The following UNK variants were observed in gnomAD, a reference collection of about 807,000 sequenced individuals.
The protein encoded by UNK is unk zinc finger.
In UNK, 32 loss-of-function variants were observed where a neutral mutation model predicts 97.6. The observed-to-expected ratio is 0.33, with a 90% CI of 0.25 to 0.44. UNK has a LOEUF of 0.44. Among genes scored for constraint, UNK ranks in the 20% least tolerant of loss-of-function variants. UNK has a pLI of 1.00. For synonymous variants in UNK, 441 were observed against 461.2 expected (o/e 0.96, Z 0.56); for missense variants, 771 against 1,098.4 (o/e 0.70, Z 4.21).
At position 75,798,506 on chromosome 17, in the gene UNK, C is replaced by T. The variant is rs115742367; in HGVS notation, c.105-11254C>T. On this transcript the variant is annotated intron_variant, in intron 1 of 15. Coordinates refer to ENST00000589666, the MANE Select transcript of UNK (RefSeq NM_001080419.3). Reference sequence around the variant, plus strand: ...AGGCATGTGCCACTACACCAAACCACGGTTAATTTTTGTATTTTTAGTAGA... The same window carrying T: ...AGGCATGTGCCACTACACCAAACCATGGTTAATTTTTGTATTTTTAGTAGA... 2.6e-3 allele frequency among the ~76,000 whole-genome samples: 389 copies of T among 152,016 alleles called. 2 individuals are homozygous for T. The highest frequency in any genetic ancestry group is 3.5e-3 in the Admixed American group (53 of 15,264).
At chr17:75,794,654 T>A (rs1232054422) in intron 1 of UNK, among the ~76,000 whole-genome samples, 4 of 144,596 alleles carry the variant, frequency 2.8e-5, no homozygotes, top group Non-Finnish European at 4.5e-5. Context: ...AAAAAAAAAA[T>A]GCTTAGTTAA....
At chr17:75,821,579 C>G in intron 13 of UNK, 1 of 456,268 alleles carries the variant, frequency 2.2e-6, no homozygotes. Context: ...GGACCATGTC[C>G]CTCCTCTGTG....
chr17:75,817,372 G>A lies in UNK; in HGVS notation c.1151G>A (p.Gly384Asp). 6.2e-7 allele frequency: 1 copy of A among 1,609,358 alleles called. No individual in the cohort carries two copies. The highest frequency in any genetic ancestry group is 8.5e-7 in the Non-Finnish European group (1 of 1,177,418). Residue 384 changes from glycine to aspartate, a missense_variant, in exon 9 of 16, where the codon GGC becomes GAC. Gly to Asp is a moderately conservative substitution (Grantham distance 94, BLOSUM62 -1). Transcript: ENST00000589666. This position sits in a 1 kb window ranked among gnomAD's most constrained non-coding sequence, Gnocchi z 5.8. ...CTAGGCAGCCCGTCTAACCTCTGCG[G>A]CTCCCCACCGGGCTCCATCAGGAAG... ...SSLGSPSNLC[G>D]SPPGSIRKPP...
intron 1 of UNK, chr17:75,809,015 G>A (rs2061943592): frequency 6.9e-6 from 1 of 145,202 alleles, no homozygotes; most frequent in Non-Finnish European, 1.5e-5. Context: ...ATGCCCCCAG[G>A]ACATAAATAG....
At chr17:75,785,029 T>C in intron 1 of UNK, 45 bp downstream of exon 1, 2 of 1,156,848 alleles carry the variant, frequency 1.7e-6, no homozygotes, top group Non-Finnish European at 2.2e-6. Flanking sequence ...ACGCCTGACG[T>C]CAGCGGCCAG....
Position 75,818,764 on chromosome 17 carries a change from T to C in UNK, c.1494T>C (p.Asn498=). The change falls in exon 11 of 16, where the codon AAT becomes AAC. Residue 498 remains asparagine, a synonymous_variant. Coordinates refer to ENST00000589666, the MANE Select transcript of UNK (RefSeq NM_001080419.3). The surrounding 1 kb of genome is among the most constrained non-coding windows in gnomAD (Gnocchi z 5.1). Reference sequence around the variant, plus strand: ...GCACCAGCAGCGTCCCCGGCATGAATGCAAACGCTCTGCCCTTCTACCCCA... The same window carrying C: ...GCACCAGCAGCGTCCCCGGCATGAACGCAAACGCTCTGCCCTTCTACCCCA... ...PVGTSSVPGM[N]ANALPFYPTS... 6.2e-7 allele frequency: 1 copy of C among 1,612,828 alleles called. No individual in the cohort carries two copies. The highest frequency in any genetic ancestry group is 1.1e-5 in the South Asian group (1 of 90,862).
intron 4 of UNK, 38 bp from the exon 5 acceptor site, chr17:75,813,040 C>G (rs942848338): frequency 1.9e-6 from 3 of 1,553,726 alleles, no homozygotes; most frequent in East Asian, 4.8e-5. Flanking sequence ...TGCTCCAGCT[C>G]CTCTCACCTG....
chr17:75,804,783 G>A (rs980367862), intron 1 of UNK, among the ~76,000 whole-genome samples: 1 of 152,054 alleles, frequency 6.6e-6, no homozygotes, highest in Non-Finnish European at 1.5e-5. Flanking sequence ...AGAGGTTGCA[G>A]TGAGCCGAGA....
intron 1 of UNK, among the ~76,000 whole-genome samples, chr17:75,805,810 ATGTGTGTGTGTGTGTGTG>A (rs61000364): frequency 1.4e-5 from 2 of 145,294 alleles, no homozygotes; most frequent in Admixed American, 6.9e-5. Flanking sequence ...AAAAAGAAAA[ATGTGTGTGTGTGTGTGTG>A]TGTGTGTGTG....
Position 75,823,250 on chromosome 17 carries a change from A to G in UNK, c.2020-15A>G. 3 of 1,587,496 alleles carry G rather than the reference A, an allele frequency of 1.9e-6. No homozygotes were observed. Among genetic ancestry groups the G allele is most frequent in the Non-Finnish European group, 2.6e-6 (3 of 1,162,284 alleles). On this transcript the variant is annotated splice_polypyrimidine_tract_variant and intron_variant, in intron 14 of 15. Coordinates refer to ENST00000589666, the MANE Select transcript of UNK (RefSeq NM_001080419.3). ...GGCAGGGCCATTGTGATGAGACTGT[A>G]TGCTGGCCCCACAGGCTTGTGATGC...
In UNK at chr17:75,817,245, C is replaced by G. The variant is rs546616709; in HGVS notation, c.1105-81C>G. 3 of 1,421,866 alleles carry G rather than the reference C, an allele frequency of 2.1e-6. No individual in the cohort carries two copies. The highest frequency in any genetic ancestry group is 2.8e-6 in the Non-Finnish European group (3 of 1,059,964). 88.1% of individuals were successfully genotyped at this position (1,421,866 alleles called of 1,614,324 possible). On this transcript the variant is annotated intron_variant, in intron 8 of 15. Transcript: ENST00000589666. The surrounding 1 kb of genome is among the most constrained non-coding windows in gnomAD (Gnocchi z 5.8). Reference sequence around the variant, plus strand: ...GTGGAACTGAGCCCCTTGAAGACTCCCTCTGGAGAGGGTGGAGGATGGGCC... The same window carrying G: ...GTGGAACTGAGCCCCTTGAAGACTCGCTCTGGAGAGGGTGGAGGATGGGCC...
chr17:75,819,877 C>T lies in UNK; in HGVS notation c.1649-43C>T, dbSNP rs374471491. ...TGCTCTGTGTGGCCCGCCTGGCTTC[C>T]GCTGCCCTCACCCAGCCCGTCCTCC... On this transcript the variant is annotated intron_variant, in intron 12 of 15. Transcript: ENST00000589666. The surrounding 1 kb of genome is among the most constrained non-coding windows in gnomAD (Gnocchi z 5.4). The T allele has an allele frequency of 4.5e-4, 717 of 1,601,882 alleles. 3 individuals carry two copies. The African/African-American group carries it at 6.4e-3, about 14-fold the overall frequency.
intron 13 of UNK, among the ~76,000 whole-genome samples, chr17:75,820,982 C>T (rs74654417): frequency 0.017 from 2,579 of 152,186 alleles, 45 homozygotes; most frequent in African/African-American, 0.045. Flanking sequence ...TTCTCTGTTA[C>T]GTTGATTCTG....
At chr17:75,823,176 G>C (rs553737192) in intron 14 of UNK, 89 bp from the exon 15 acceptor site, 1 of 1,494,716 alleles carries the variant, frequency 6.7e-7, no homozygotes, top group African/African-American at 1.4e-5. Context: ...ACCAGGCCTC[G>C]CAGCCAGAGT....
rs1016331783 is a variant in UNK at position 75,784,914 on chromosome 17, G to C, written c.34G>C (p.Ala12Pro). The change falls in exon 1 of 16, where the codon GCT becomes CCT. Residue 12 changes from alanine (A) to proline (P), a missense_variant. Ala to Pro is a conservative substitution (Grantham distance 27, BLOSUM62 -1). Around this residue, in one of 5 missense-constraint regions of UNK, gnomAD observed 34 missense variants for 24.7 expected, o/e 1.37. Transcript: ENST00000589666. The stretch of plus-strand genomic sequence containing the variant: ...GGGCCCCGGGCCCGGCGGCTCCGCA[G>C]CTTCCTCGGCGCCCCCGGCCGCTAC... Reference protein sequence around the residue: ...SKGPGPGGSAASSAPPAATAQ... With the variant: ...SKGPGPGGSAPSSAPPAATAQ... The C allele has an allele frequency of 8.9e-6, 14 of 1,566,536 alleles. No individual in the cohort carries two copies. The highest frequency in any genetic ancestry group is 1.4e-5 in the African/African-American group (1 of 73,040).
At chr17:75,800,465 G>A (rs1245535648) in intron 1 of UNK, among the ~76,000 whole-genome samples, 2 of 151,686 alleles carry the variant, frequency 1.3e-5, no homozygotes, top group African/African-American at 2.4e-5. Context: ...TGGGCTGGGC[G>A]CGGTGGCTCA....
chr17:75,785,135 G>A (rs2061696149), intron 1 of UNK, 151 bp downstream of exon 1: 3 of 551,610 alleles, frequency 5.4e-6, no homozygotes, highest in Admixed American at 4.0e-5. Context: ...TGCTGGGGCC[G>A]GTCCCAACTG....
chr17:75,789,180 G>T (rs1380357907), intron 1 of UNK, among the ~76,000 whole-genome samples: 1 of 152,034 alleles, frequency 6.6e-6, no homozygotes, highest in African/African-American at 2.4e-5. Context: ...CAGCAAATTG[G>T]TGTAGCAGGC....
At chr17:75,788,931 A>C (rs986717166) in intron 1 of UNK, among the ~76,000 whole-genome samples, 3 of 152,374 alleles carry the variant, frequency 2.0e-5, no homozygotes, top group Admixed American at 2.0e-4. Context: ...CTCACTCACC[A>C]TAACAGTAAT....
Sources: gnomAD v4.1 joint callset for allele counts (sites outside exome capture counted in the v4.1 genomes callset) on GRCh38, gnomAD v4.1.1 for gene constraint, gnomAD v4.1.1 regional missense constraint, Gnocchi (gnomAD v3.1) non-coding constraint, MANE v1.5 for transcripts, NCBI Gene and HGNC (gene_info 2026-07-23, HGNC 2026-07-21) for gene names.